VAT1L: variants seen among roughly 807,000 people sequenced by gnomAD.
The protein encoded by VAT1L is vesicle amine transport 1 like.
A neutral mutation model predicts 44.1 loss-of-function variants in VAT1L; 34 were observed. The observed-to-expected ratio is 0.77, with a 90% CI of 0.59 to 1.03. The LOEUF is 1.03. VAT1L is among the 50% of genes least tolerant of loss of function. VAT1L has a pLI of 0.00. For missense variants in VAT1L, 615 were observed against 538.8 expected, an observed-to-expected ratio of 1.14 and a Z score of -1.40; for synonymous variants, 253 against 202.2, an observed-to-expected ratio of 1.25 and a Z score of -2.13.
chr16:77,802,933 C>T lies in VAT1L; in HGVS notation c.234-13988C>T, dbSNP rs143441950. Among the ~76,000 whole-genome samples, 19 of 152,252 alleles carry T rather than the reference C, an allele frequency of 1.2e-4. No individual in the cohort carries two copies. In the East Asian group the frequency reaches 3.5e-3, roughly 28 times the overall value. ...TTTGATCTTCTCAGTTTCCTTCTCA[C>T]CATCACGGCAGCGGACACAGCAGGG... On this transcript the variant is annotated intron_variant, in intron 1 of 8. Transcript: ENST00000302536.
chr16:77,858,034 C>T (rs2016879042), intron 3 of VAT1L, among the ~76,000 whole-genome samples: 1 of 152,158 alleles, frequency 6.6e-6, no homozygotes, highest in Non-Finnish European at 1.5e-5. Flanking sequence ...ATGCATCCGT[C>T]CACCAAGTTT....
rs774806711 is a variant in VAT1L, at chr16:77,876,373, C to T, written c.726C>T (p.Ile242=). ...NADYVQEVKR[I]SAEGVDIVLD... ...GCTTTGCCTTCTCACCATTTAGAAT[C>T]TCTGCTGAAGGTGTGGACATCGTTT... The change falls in exon 5 of 9, where the codon ATC becomes ATT. Residue 242 remains isoleucine (I), a synonymous_variant. Transcript: ENST00000302536. 1.2e-6 allele frequency: 2 copies of T among 1,614,132 alleles called. No individual in the cohort carries two copies. Among genetic ancestry groups the T allele is most frequent in the Non-Finnish European group, 1.7e-6 (2 of 1,179,976 alleles).
intron 3 of VAT1L, among the ~76,000 whole-genome samples, chr16:77,856,145 A>G (rs759702951): frequency 7.2e-5 from 11 of 152,166 alleles, no homozygotes; most frequent in Non-Finnish European, 1.0e-4. Context: ...AGAGGATTCC[A>G]AGCAGTGGGG....
At chr16:77,801,746 G>C (rs1274066584) in intron 1 of VAT1L, 2 of 149,142 alleles carry the variant, frequency 1.3e-5, no homozygotes, top group African/African-American at 4.9e-5. Context: ...CCCTCATCTA[G>C]GATCAGAAAG....
chr16:77,975,158 C>T (rs182919186), intron 8 of VAT1L, among the ~76,000 whole-genome samples: 3 of 129,976 alleles, frequency 2.3e-5, no homozygotes, highest in African/African-American at 5.8e-5. Flanking sequence ...GGGACAGAGG[C>T]GCCTGCAGAG....
chr16:77,800,278 C>T (rs1212246376), intron 1 of VAT1L: 1 of 152,150 alleles, frequency 6.6e-6, no homozygotes, highest in Non-Finnish European at 1.5e-5. Flanking sequence ...TGATATCTGG[C>T]TTCATCGAGT....
rs1283392431 is a variant in VAT1L at position 77,842,670 on chromosome 16, T to A, written c.579+17209T>A. ...GATAAGTGACACAGGCAGCCAGAAA[T>A]AAATCACGAGGGCCCTGGTTCTTAC... On this transcript the variant is annotated intron_variant, in intron 3 of 8. Coordinates refer to ENST00000302536, the MANE Select transcript of VAT1L (RefSeq NM_020927.3). Among the ~76,000 whole-genome samples, 4 of 152,168 alleles carry A rather than the reference T, an allele frequency of 2.6e-5. No individual in the cohort carries two copies. The South Asian group carries it at 8.3e-4, about 32-fold the overall frequency.
intron 3 of VAT1L, among the ~76,000 whole-genome samples, chr16:77,833,245 C>T (rs10514429): frequency 0.042 from 6,393 of 152,186 alleles, 184 homozygotes; most frequent in Non-Finnish European, 0.067. Context: ...CATTGATGGG[C>T]GTATAAATCA....
chr16:77,928,071 A>G (rs2017689707), intron 7 of VAT1L, among the ~76,000 whole-genome samples: 1 of 152,116 alleles, frequency 6.6e-6, no homozygotes, highest in African/African-American at 2.4e-5. Context: ...TTCAGTGTCT[A>G]CTGGGCTCAA....
intron 2 of VAT1L, 131 bp from the exon 3 acceptor site, chr16:77,825,115 C>T: frequency 2.2e-6 from 2 of 910,156 alleles, no homozygotes; most frequent in Non-Finnish European, 3.5e-6. Flanking sequence ...GATTCACCCA[C>T]CTCAGCCTCC....
At chr16:77,938,498 G>T (rs529439585) in intron 7 of VAT1L, among the ~76,000 whole-genome samples, 1 of 152,310 alleles carries the variant, frequency 6.6e-6, no homozygotes, top group East Asian at 1.9e-4. Flanking sequence ...GGATCATGGG[G>T]ATTAGCACCA....
intron 2 of VAT1L, among the ~76,000 whole-genome samples, chr16:77,823,666 C>G (rs2016486121): frequency 6.6e-6 from 1 of 152,146 alleles, no homozygotes; most frequent in South Asian, 2.1e-4. Context: ...AGATTACAGT[C>G]TAGTACATTA....
rs1187317349 is a variant in VAT1L, at chr16:77,826,042, A to G, written c.579+581A>G. Among the ~76,000 whole-genome samples, 3 of 110,810 alleles carry G rather than the reference A, an allele frequency of 2.7e-5. 1 individual carries two copies. Among genetic ancestry groups the G allele is most frequent in the Non-Finnish European group, 5.8e-5 (3 of 51,726 alleles). 72.7% of individuals were successfully genotyped at this position (110,810 alleles called of 152,430 possible). On this transcript the variant is annotated intron_variant, in intron 3 of 8. Transcript: ENST00000302536. ...CATCTCAAAAAAAAAAGAAAAAAAA[A>G]AAAAAAAGAAAGAAATTAGCCGGGC...
At chr16:77,920,967 TAC>T (rs925929098) in intron 7 of VAT1L, among the ~76,000 whole-genome samples, 11 of 150,054 alleles carry the variant, frequency 7.3e-5, no homozygotes, top group Middle Eastern at 3.4e-3. Flanking sequence ...TGTGCATATA[TAC>T]ACACACACAC....
intron 3 of VAT1L, among the ~76,000 whole-genome samples, chr16:77,841,436 G>A (rs951463912): frequency 2.6e-5 from 4 of 152,126 alleles, no homozygotes; most frequent in Non-Finnish European, 5.9e-5. Flanking sequence ...CTCTCTCATC[G>A]GGCAGGAATG....
chr16:77,912,716 G>T (rs1222568749), intron 7 of VAT1L, among the ~76,000 whole-genome samples: 1 of 152,124 alleles, frequency 6.6e-6, no homozygotes, highest in Non-Finnish European at 1.5e-5. Context: ...TATTGCCTTA[G>T]TCTGCTCAAG....
At chr16:77,899,389 T>G (rs994235856) in intron 7 of VAT1L, among the ~76,000 whole-genome samples, 1 of 152,204 alleles carries the variant, frequency 6.6e-6, no homozygotes, top group African/African-American at 2.4e-5. Flanking sequence ...TTGAACACCC[T>G]GGTTCATCAG....
intron 1 of VAT1L, among the ~76,000 whole-genome samples, chr16:77,789,775 C>A (rs139263775): frequency 1.3e-5 from 2 of 152,258 alleles, no homozygotes; most frequent in East Asian, 3.9e-4. Flanking sequence ...CCCTCTATTC[C>A]CCATTCCCCC....
At chr16:77,862,528 A>C (rs1240224974) in intron 3 of VAT1L, among the ~76,000 whole-genome samples, 2 of 151,470 alleles carry the variant, frequency 1.3e-5, no homozygotes, top group Non-Finnish European at 2.9e-5. Flanking sequence ...AGGCAGGAGA[A>C]TCGCTAGAAC....
Sources: gnomAD v4.1 joint callset for allele counts (sites outside exome capture counted in the v4.1 genomes callset) on GRCh38, gnomAD v4.1.1 for gene constraint, MANE v1.5 for transcripts, NCBI Gene and HGNC (gene_info 2026-07-23, HGNC 2026-07-21) for gene names.